MBNL1: variants seen among roughly 807,000 people sequenced by gnomAD.
The protein encoded by MBNL1 is muscleblind like splicing regulator 1, also known as muscleblind-like protein 1.
In MBNL1, 8 loss-of-function variants were observed where a neutral mutation model predicts 42.2. That is an observed-to-expected ratio of 0.19 (90% CI 0.11 to 0.34). MBNL1 has a LOEUF of 0.34. Ranked by LOEUF, MBNL1 falls within the 10% of genes least tolerant of loss-of-function variation. The pLI is 1.00. For synonymous variants in MBNL1, 169 were observed against 173.9 expected (o/e 0.97, Z 0.22); for missense variants, 309 against 495.3 (o/e 0.62, Z 3.57).
intron 6 of MBNL1, among the ~76,000 whole-genome samples, chr3:152,452,948 G>A (rs1431453749): frequency 1.3e-5 from 2 of 151,296 alleles, no homozygotes; most frequent in African/African-American, 4.9e-5. Flanking sequence ...AAGGGCAGGG[G>A]TAGGCAGGGT....
chr3:152,340,452 G>T (rs564527975), intron 2 of MBNL1: 7 of 1,480,744 alleles, frequency 4.7e-6, no homozygotes, highest in South Asian at 1.4e-5. Flanking sequence ...TTTTTTTTAA[G>T]TAAAATATCA....
chr3:152,345,058 G>A (rs1028682981), intron 2 of MBNL1, among the ~76,000 whole-genome samples: 7 of 151,552 alleles, frequency 4.6e-5, no homozygotes, highest in African/African-American at 1.7e-4. Flanking sequence ...GCATGAAAAC[G>A]TTGTTTTACT....
intron 3 of MBNL1, among the ~76,000 whole-genome samples, chr3:152,422,789 A>G (rs932373981): frequency 1.3e-5 from 2 of 152,232 alleles, no homozygotes; most frequent in African/African-American, 2.4e-5. Flanking sequence ...CAGGATTAAG[A>G]AACTCACTCA....
chr3:152,392,891 CT>C (rs148107259), intron 2 of MBNL1, among the ~76,000 whole-genome samples: 5 of 152,116 alleles, frequency 3.3e-5, no homozygotes, highest in African/African-American at 1.2e-4. Flanking sequence ...CAAAGGCCTT[CT>C]TTTTTTGTTG....
intron 1 of MBNL1, 197 bp downstream of exon 1, chr3:152,269,289 AGCCGCTCCTGCGCCCTTCCCT>A (rs916820960): frequency 2.8e-6 from 1 of 353,194 alleles, no homozygotes; most frequent in African/African-American, 2.2e-5. Context: ...GGTGAGCCGC[AGCCGCTCCTGCGCCCTTCCCT>A]GCCGCGGGCT....
At chr3:152,378,135 G>A (rs1329602005) in intron 2 of MBNL1, among the ~76,000 whole-genome samples, 2 of 152,022 alleles carry the variant, frequency 1.3e-5, no homozygotes, top group African/African-American at 4.8e-5. Flanking sequence ...CCAGGAGATC[G>A]AGACCAGCCT....
chr3:152,338,270 G>A (rs2091840670), intron 2 of MBNL1: 1 of 985,352 alleles, frequency 1.0e-6, no homozygotes, highest in African/African-American at 1.7e-5. Context: ...CCTGAGCTCT[G>A]TGCCAATTGT....
At chr3:152,269,795 T>C (rs2039587568) in intron 1 of MBNL1, 2 of 173,504 alleles carry the variant, frequency 1.2e-5, no homozygotes, top group African/African-American at 4.8e-5. Context: ...ATAGAAGCTC[T>C]TTGGGTGGAG....
intron 2 of MBNL1, among the ~76,000 whole-genome samples, chr3:152,316,745 A>G (rs138238594): frequency 6.6e-6 from 1 of 152,194 alleles, no homozygotes; most frequent in Non-Finnish European, 1.5e-5. Context: ...TTCTCAATCT[A>G]TAGAGAAGAT....
At chr3:152,260,012 C>G (rs2035997850) in intron 2 of MBNL1, among the ~76,000 whole-genome samples, 1 of 152,128 alleles carries the variant, frequency 6.6e-6, no homozygotes. Context: ...CCTTGTTATA[C>G]TGCATATTTC....
At chr3:152,398,424 T>C (rs1020787773) in intron 2 of MBNL1, among the ~76,000 whole-genome samples, 1 of 152,150 alleles carries the variant, frequency 6.6e-6, no homozygotes, top group Non-Finnish European at 1.5e-5. Context: ...AATTATTGTT[T>C]TTAAATATTA....
At chr3:152,376,810 A>G (rs192081470) in intron 2 of MBNL1, among the ~76,000 whole-genome samples, 85 of 152,304 alleles carry the variant, frequency 5.6e-4, no homozygotes, top group Admixed American at 1.7e-3. Context: ...ATGCGCACAC[A>G]CACACATACA....
rs750601139 is a variant in MBNL1 at position 152,300,379 on chromosome 3, T to C, written c.174+12T>C. 6.2e-7 allele frequency: 1 copy of C among 1,605,806 alleles called. No individual in the cohort carries two copies. Among genetic ancestry groups the C allele is most frequent in the East Asian group, 2.2e-5 (1 of 44,828 alleles). The stretch of plus-strand genomic sequence containing the variant: ...TTGATTCATTGAAAGTGAGTAACTA[T>C]TATATTCTTTTAAGGATATTCAATG... On this transcript the variant is annotated intron_variant, in intron 2 of 9. Coordinates refer to ENST00000324210, the MANE Select transcript of MBNL1 (RefSeq NM_021038.5).
At chr3:152,459,380 G>T in intron 9 of MBNL1, 35 bp downstream of exon 9, 1 of 1,283,874 alleles carries the variant, frequency 7.8e-7, no homozygotes, top group Non-Finnish European at 1.1e-6. Context: ...TTGCATATTT[G>T]TGGTGGTTTT....
At chr3:152,314,980 TG>T (rs2069757401) in intron 2 of MBNL1, among the ~76,000 whole-genome samples, 3 of 152,230 alleles carry the variant, frequency 2.0e-5, no homozygotes. Context: ...TATTGATTAT[TG>T]CCCATTCTGT....
chr3:152,391,254 G>A (rs1179063193), intron 2 of MBNL1, among the ~76,000 whole-genome samples: 1 of 152,170 alleles, frequency 6.6e-6, no homozygotes, highest in African/African-American at 2.4e-5. Flanking sequence ...GAATGTTGCA[G>A]CATAATATTA....
chr3:152,453,377 T>G (rs1232384188), intron 6 of MBNL1, among the ~76,000 whole-genome samples: 1 of 152,194 alleles, frequency 6.6e-6, no homozygotes, highest in Non-Finnish European at 1.5e-5. Flanking sequence ...AAATTTTTGA[T>G]TTAAAAGGTC....
At chr3:152,410,240 CTTA>C (rs1487577865) in intron 2 of MBNL1, among the ~76,000 whole-genome samples, 2 of 151,856 alleles carry the variant, frequency 1.3e-5, no homozygotes, top group African/African-American at 2.4e-5. Flanking sequence ...TATATTTTCC[CTTA>C]TTATAGCCAC....
At chr3:152,258,774 G>A (rs1261351211) in intron 2 of MBNL1, among the ~76,000 whole-genome samples, 1 of 152,178 alleles carries the variant, frequency 6.6e-6, no homozygotes, top group Non-Finnish European at 1.5e-5. Flanking sequence ...GAAGGAAAAT[G>A]CCCAAAGTTA....
Sources: allele counts gnomAD v4.1 joint callset (sites outside exome capture counted in the v4.1 genomes callset), GRCh38; gene constraint gnomAD v4.1.1; transcripts MANE v1.5; gene names NCBI Gene and HGNC (gene_info 2026-07-23, HGNC 2026-07-21).